Variants in RUBCN observed in about 807,000 individuals in gnomAD.
The protein encoded by RUBCN is rubicon autophagy regulator, also known as run domain Beclin-1-interacting and cysteine-rich domain-containing protein.
In RUBCN, 74 loss-of-function variants were observed where a neutral mutation model predicts 113.2. That is an observed-to-expected ratio of 0.65 (90% CI 0.54 to 0.79). The LOEUF (loss-of-function observed/expected upper bound fraction) is 0.79. RUBCN is among the 30% of genes least tolerant of loss of function. The pLI is 0.00. For synonymous variants in RUBCN, 480 were observed against 490.0 expected (o/e 0.98, Z 0.27); for missense variants, 1,109 against 1,251.7 (o/e 0.89, Z 1.72).
At chr3:197,738,297 A>C (rs1419868496), upstream of RUBCN, among the ~76,000 whole-genome samples, 1 of 152,092 alleles carries the variant, frequency 6.6e-6, no homozygotes, top group Non-Finnish European at 1.5e-5. Context: ...AATCAGCACT[A>C]CTCTATAAAG....
upstream of RUBCN, among the ~76,000 whole-genome samples, chr3:197,739,556 C>G (rs991893464): frequency 6.6e-6 from 1 of 151,184 alleles, no homozygotes; most frequent in African/African-American, 2.5e-5. Context: ...ATTAGCCGGG[C>G]GTGGTGGCGG....
rs1352493251 is a variant in RUBCN, at chr3:197,700,959, T to A, written c.915A>T (p.Ala305=). ...SSSTLTSPIE[A]SWVSSQNDSP... ...AATCATTCTGGCTGCTGACCCAGGATGCCTCTATGGGGCTGGTCAGAGTAC... is the reference window on the plus strand; with the variant it reads ...AATCATTCTGGCTGCTGACCCAGGAAGCCTCTATGGGGCTGGTCAGAGTAC... Residue 305 remains alanine, a synonymous_variant, in exon 7 of 20, where the codon GCA becomes GCT. Coordinates refer to ENST00000296343, the MANE Select transcript of RUBCN (RefSeq NM_014687.4). 6 of 1,614,100 alleles carry A rather than the reference T, an allele frequency of 3.7e-6. No homozygotes were observed. In the African/African-American group the frequency reaches 8.0e-5, roughly 22 times the overall value.
At chr3:197,690,969 C>G in intron 11 of RUBCN, 1 of 580,720 alleles carries the variant, frequency 1.7e-6, no homozygotes, top group Non-Finnish European at 2.9e-6. Flanking sequence ...CCCCTACAGT[C>G]CTCGTAACCT....
rs961176150 is a variant in RUBCN at position 197,670,037 on chromosome 3, C to T, written c.*4981G>A. On this transcript the variant is annotated 3_prime_UTR_variant, in exon 20 of 20. Transcript: ENST00000296343. ...GCGAGTAGCTGGGATTACAGGCGCC[C>T]GCCATCATGCCCAACTAGCTTTTGT... is the stretch of plus-strand genomic sequence containing the variant. Among the ~76,000 whole-genome samples, 1 of 152,080 alleles carries T rather than the reference C, an allele frequency of 6.6e-6. No homozygotes were observed. Among genetic ancestry groups the T allele is most frequent in the African/African-American group, 2.4e-5 (1 of 41,394 alleles).
intron 1 of RUBCN, among the ~76,000 whole-genome samples, chr3:197,723,697 G>C (rs1580353857): frequency 6.6e-6 from 1 of 152,110 alleles, no homozygotes; most frequent in Non-Finnish European, 1.5e-5. Flanking sequence ...CAATATCAGA[G>C]AGTTGAAATA....
At chr3:197,699,049 A>G (rs376917304) in intron 7 of RUBCN, 40 of 704,368 alleles carry the variant, frequency 5.7e-5, no homozygotes, top group Non-Finnish European at 9.4e-5. Context: ...TACTGGTATC[A>G]TTTTATAGAC....
Position 197,676,961 on chromosome 3 carries a change from G to T in RUBCN, c.2570C>A (p.Ala857Glu), listed in dbSNP as rs768956295. 6.2e-6 allele frequency: 10 copies of T among 1,614,082 alleles called. No individual in the cohort carries two copies. Among genetic ancestry groups the T allele is most frequent in the Non-Finnish European group, 8.5e-6 (10 of 1,180,046 alleles). The change falls in exon 18 of 20, where the codon GCG (alanine) becomes GAG (glutamate). Residue 857 changes from alanine (A) to glutamate (E), a missense_variant. Physicochemically the swap from Ala to Glu is moderately radical, Grantham distance 107. Around this residue, in one of 3 missense-constraint regions of RUBCN, gnomAD observed 306 missense variants for 348.9 expected, o/e 0.88. Coordinates refer to ENST00000296343, the MANE Select transcript of RUBCN (RefSeq NM_014687.4). The part of the protein sequence containing the change: ...LHLYSLNDLT[A>E]TRKGELGPRL... Reference sequence around the variant, plus strand: ...GGGCCCCAGCTCCCCCTTCCTGGTCGCAGTCAGGTCATTCAGTGAGTACAG... The same window carrying T: ...GGGCCCCAGCTCCCCCTTCCTGGTCTCAGTCAGGTCATTCAGTGAGTACAG...
rs143310890 is a variant in RUBCN at position 197,674,389 on chromosome 3, G to A, written c.*629C>T. 1,448 of 255,918 alleles carry A rather than the reference G, an allele frequency of 5.7e-3. 10 individuals carry two copies. The highest frequency in any genetic ancestry group is 0.018 in the South Asian group (345 of 18,886). The allele number at this position is 255,918 out of a possible 1,614,324, so 15.9% of individuals were successfully genotyped here. ...TCAAATATTTCAAACAGGAACTCCC[G>A]GCAACATAGGGACATTCACAGCTGC... is the stretch of plus-strand genomic sequence containing the variant. On this transcript the variant is annotated 3_prime_UTR_variant, in exon 20 of 20. Coordinates refer to ENST00000296343, the MANE Select transcript of RUBCN (RefSeq NM_014687.4).
chr3:197,675,194 A>G lies in RUBCN; in HGVS notation c.2743T>C (p.Cys915Arg). The G allele has an allele frequency of 6.2e-7, 1 of 1,614,022 alleles. No homozygotes were observed. Among genetic ancestry groups the G allele is most frequent in the Non-Finnish European group, 8.5e-7 (1 of 1,180,026 alleles). ...ELHKCRTCEECKACYHKACFK... is the reference protein window; with the variant it reads ...ELHKCRTCEERKACYHKACFK... The stretch of plus-strand genomic sequence containing the variant: ...CAGGCTTTATGGTAACACGCTTTAC[A>G]CTCTACTCAGGTTGGGAAGGTGGGG... The change falls in exon 20 of 20, where the codon TGT becomes CGT. Residue 915 changes from cysteine to arginine, a missense_variant and splice_region_variant. By Grantham distance (180) the Cys-to-Arg change is radical. Coordinates refer to ENST00000296343, the MANE Select transcript of RUBCN (RefSeq NM_014687.4). The surrounding 1 kb of genome is among the most constrained non-coding windows in gnomAD (Gnocchi z 4.4).
At chr3:197,679,167 A>G (rs1249678393) in intron 16 of RUBCN, among the ~76,000 whole-genome samples, 1 of 146,408 alleles carries the variant, frequency 6.8e-6, no homozygotes, top group Non-Finnish European at 1.5e-5. Flanking sequence ...TAACTCGACA[A>G]GTGGCTTCAG....
chr3:197,707,362 T>G (rs1454779846), intron 2 of RUBCN, among the ~76,000 whole-genome samples: 4 of 152,096 alleles, frequency 2.6e-5, no homozygotes, highest in African/African-American at 7.2e-5. Context: ...TAAAATTGGT[T>G]TCTTTTCTTC....
At chr3:197,684,114 C>T (rs1382216617) in intron 12 of RUBCN, 43 bp downstream of exon 12, 2 of 1,469,432 alleles carry the variant, frequency 1.4e-6, no homozygotes, top group South Asian at 1.1e-5. Context: ...TCTACATATC[C>T]TAAGGTTTTC....
At chr3:197,711,980 CT>C (rs1415509898) in intron 2 of RUBCN, among the ~76,000 whole-genome samples, 3 of 151,838 alleles carry the variant, frequency 2.0e-5, no homozygotes, top group African/African-American at 7.3e-5. Context: ...CTTCTAAAGT[CT>C]TTTAGGTATT....
chr3:197,715,774 CTCT>C (rs1725452782), intron 2 of RUBCN, among the ~76,000 whole-genome samples: 1 of 152,088 alleles, frequency 6.6e-6, no homozygotes, highest in African/African-American at 2.4e-5. Context: ...TAACTACTAA[CTCT>C]TCTTTTCCCT....
At chr3:197,715,294 A>AG (rs918305484) in intron 2 of RUBCN, among the ~76,000 whole-genome samples, 14 of 151,668 alleles carry the variant, frequency 9.2e-5, no homozygotes, top group Non-Finnish European at 1.9e-4. Context: ...TATCTTGAAA[A>AG]AAAAAAAAAA....
intron 16 of RUBCN, among the ~76,000 whole-genome samples, chr3:197,678,648 T>TC (rs1256206394): frequency 6.7e-6 from 1 of 149,732 alleles, no homozygotes; most frequent in East Asian, 2.0e-4. Flanking sequence ...ACGCTCTAAC[T>TC]GACAACTGGC....
At chr3:197,700,461 T>G in intron 7 of RUBCN, 152 bp downstream of exon 7, 1 of 697,690 alleles carries the variant, frequency 1.4e-6, no homozygotes, top group Non-Finnish European at 2.4e-6. Context: ...GTCTCAGTAT[T>G]TCGTTATAAA....
chr3:197,707,715 C>T (rs1472543950), intron 2 of RUBCN, among the ~76,000 whole-genome samples: 3 of 152,138 alleles, frequency 2.0e-5, no homozygotes, highest in African/African-American at 7.2e-5. Flanking sequence ...GTAATCCCAA[C>T]AATTTGGGAG....
At chr3:197,730,290 A>C (rs1039048858) in intron 1 of RUBCN, among the ~76,000 whole-genome samples, 1 of 152,166 alleles carries the variant, frequency 6.6e-6, no homozygotes, top group Admixed American at 6.5e-5. Flanking sequence ...CTTAGGCCTG[A>C]CTAAGCAGAA....
Sources: allele counts gnomAD v4.1 joint callset (sites outside exome capture counted in the v4.1 genomes callset), GRCh38; gene constraint gnomAD v4.1.1; regional missense constraint gnomAD v4.1.1; non-coding constraint Gnocchi (gnomAD v3.1); transcripts MANE v1.5; gene names NCBI Gene and HGNC (gene_info 2026-07-23, HGNC 2026-07-21).